The following COLGALT1 variants were observed in gnomAD, a reference collection of about 807,000 sequenced individuals.
COLGALT1 encodes the protein procollagen galactosyltransferase 1.
Under a neutral mutation model 60.8 loss-of-function variants are expected in COLGALT1, and 43 were observed. The ratio of observed to expected loss-of-function variants is 0.71; its 90% CI spans 0.55 to 0.91. The LOEUF (loss-of-function observed/expected upper bound fraction) is 0.91. Among genes scored for constraint, COLGALT1 ranks in the 40% least tolerant of loss-of-function variants. COLGALT1 has a pLI of 0.00. For synonymous variants in COLGALT1, 369 were observed against 374.2 expected (o/e 0.99, Z 0.16); for missense variants, 845 against 880.0 (o/e 0.96, Z 0.50).
intron 3 of COLGALT1, among the ~76,000 whole-genome samples, chr19:17,564,481 A>G (rs1270334115): frequency 7.4e-6 from 1 of 135,870 alleles, no homozygotes; most frequent in African/African-American, 2.8e-5. Context: ...CAGTGGCGCC[A>G]TCTCGGCTCA....
At chr19:17,577,654 T>G (rs1599794451) in intron 8 of COLGALT1, among the ~76,000 whole-genome samples, 187 bp downstream of exon 8, 1 of 152,060 alleles carries the variant, frequency 6.6e-6, no homozygotes, top group East Asian at 1.9e-4. Flanking sequence ...CTCACAGTTG[T>G]AGACCATGGA....
chr19:17,580,555 C>T, intron 10 of COLGALT1, 144 bp from the exon 11 acceptor site: 2 of 756,282 alleles, frequency 2.6e-6, no homozygotes, highest in Admixed American at 5.2e-5. Context: ...CTCCTGCATT[C>T]ACTCCATCCA....
In COLGALT1 at chr19:17,578,014, G is replaced by T; in HGVS notation, c.1191G>T (p.Arg397=). Residue 397 remains arginine, a synonymous_variant, in exon 9 of 12, where the codon CGG becomes CGT. Transcript: ENST00000252599. ...GGATCCAGATGCTGCCTGGCTACCG[G>T]GACCCCTACCACGGCCGGCCCCTCA... is the stretch of plus-strand genomic sequence containing the variant. The part of the protein sequence containing the change: ...ALGIQMLPGY[R]DPYHGRPLTK... 1 of 1,611,976 alleles carries T rather than the reference G, an allele frequency of 6.2e-7. No individual in the cohort carries two copies.
chr19:17,560,307 T>C, intron 2 of COLGALT1, 41 bp from the exon 3 acceptor site: 1 of 1,553,260 alleles, frequency 6.4e-7, no homozygotes, highest in Non-Finnish European at 8.9e-7. Flanking sequence ...TGGGCTTTGA[T>C]AGTGCCTTGT....
At chr19:17,570,916 T>C (rs2076308913) in intron 5 of COLGALT1, among the ~76,000 whole-genome samples, 1 of 152,066 alleles carries the variant, frequency 6.6e-6, no homozygotes, top group African/African-American at 2.4e-5. Flanking sequence ...AAGAAGAATA[T>C]TGTGACACAT....
At chr19:17,576,473 G>C (rs1039890406) in intron 6 of COLGALT1, among the ~76,000 whole-genome samples, 14 of 152,026 alleles carry the variant, frequency 9.2e-5, no homozygotes, top group Admixed American at 5.9e-4. Context: ...GTGGGGCTGG[G>C]GGGTAGAGTG....
chr19:17,557,252 CAGG>C (rs2076217939), intron 1 of COLGALT1, among the ~76,000 whole-genome samples: 3 of 150,392 alleles, frequency 2.0e-5, no homozygotes, highest in African/African-American at 7.5e-5. Context: ...GTGTGGCTCA[CAGG>C]AGAAGATGAA....
chr19:17,561,915 G>A (rs990978644), intron 3 of COLGALT1, among the ~76,000 whole-genome samples: 6 of 152,134 alleles, frequency 3.9e-5, no homozygotes, highest in Admixed American at 2.6e-4. Context: ...CTGTTGCCCA[G>A]GTTGGAGTGC....
chr19:17,558,522 G>A (rs62119891), intron 1 of COLGALT1, among the ~76,000 whole-genome samples: 131,769 of 150,044 alleles, frequency 0.88, 58,202 homozygotes, highest in Middle Eastern at 0.97. Flanking sequence ...TACTAAAAAT[G>A]CAAAAATTAG....
intron 5 of COLGALT1, among the ~76,000 whole-genome samples, chr19:17,569,667 C>T (rs1215297282): frequency 6.6e-6 from 1 of 152,056 alleles, no homozygotes; most frequent in Non-Finnish European, 1.5e-5. Context: ...AAACTCCTGA[C>T]CCCAGGTGAT....
In COLGALT1 at chr19:17,580,362, T is replaced by G. The variant is rs1395959956; in HGVS notation, c.1395-337T>G. On this transcript the variant is annotated intron_variant, in intron 10 of 11. Transcript: ENST00000252599. ...AATAGTAACTGCACCCCTCCATTCCTGACTGCCCCCCCATCAGGGCACCTC... is the reference window on the plus strand; with the variant it reads ...AATAGTAACTGCACCCCTCCATTCCGGACTGCCCCCCCATCAGGGCACCTC... 9.6e-6 allele frequency: 4 copies of G among 415,320 alleles called. No homozygotes were observed. The Admixed American group carries it at 1.5e-4, about 16-fold the overall frequency. The allele number at this position is 415,320 out of a possible 1,614,324, so 25.7% of individuals were successfully genotyped here. A position where few individuals can be genotyped will look rare whatever the true frequency, so the allele number is the denominator to read the frequency against.
At chr19:17,579,913 C>T (rs1166030049) in intron 10 of COLGALT1, 2 of 375,812 alleles carry the variant, frequency 5.3e-6, no homozygotes, top group Non-Finnish European at 1.0e-5. Flanking sequence ...AGCAGGAGGG[C>T]TCACGTGGTT....
rs566221755 is a variant in COLGALT1 at position 17,562,067 on chromosome 19, C to T, written c.489+1602C>T. Among the ~76,000 whole-genome samples, 339 of 152,180 alleles carry T rather than the reference C, an allele frequency of 2.2e-3. 1 individual carries two copies. The highest frequency in any genetic ancestry group is 7.4e-3 in the African/African-American group (309 of 41,516). On this transcript the variant is annotated intron_variant, in intron 3 of 11. Transcript: ENST00000252599. ...TGTAATTTTAGTAGAGACGGGGTTT[C>T]GCCATGTTGGCCAGGCTGGTCTCTA...
Position 17,578,061 on chromosome 19 carries a change from T to C in COLGALT1, c.1238T>C (p.Phe413Ser). The C allele has an allele frequency of 6.2e-7, 1 of 1,610,780 alleles. No homozygotes were observed. The highest frequency in any genetic ancestry group is 8.5e-7 in the Non-Finnish European group (1 of 1,178,622). ...CTCACCAAGGGTGAGCTGGGCTGCT[T>C]CCTGAGCCACTACAACATCTGGAAG... ...RPLTKGELGCFLSHYNIWKEV... is the reference protein window; with the variant it reads ...RPLTKGELGCSLSHYNIWKEV... The change falls in exon 9 of 12, where the codon TTC (phenylalanine) becomes TCC (serine). Residue 413 changes from phenylalanine to serine, a missense_variant. Physicochemically the swap from Phe to Ser is radical, Grantham distance 155. Transcript: ENST00000252599.
intron 3 of COLGALT1, among the ~76,000 whole-genome samples, chr19:17,563,610 A>G (rs1177914940): frequency 1.3e-5 from 2 of 152,016 alleles, no homozygotes. Context: ...TGGCCTCCCA[A>G]AGTGCTGGGA....
intron 3 of COLGALT1, among the ~76,000 whole-genome samples, chr19:17,561,794 C>T (rs1304150658): frequency 1.3e-5 from 2 of 152,160 alleles, no homozygotes; most frequent in Non-Finnish European, 2.9e-5. Flanking sequence ...AAATAATATA[C>T]ATTGAACCCA....
intron 6 of COLGALT1, among the ~76,000 whole-genome samples, chr19:17,575,479 T>C (rs533266382): frequency 6.6e-6 from 1 of 152,288 alleles, no homozygotes; most frequent in African/African-American, 2.4e-5. Flanking sequence ...TCTCCTGACC[T>C]TGTGAGCCAC....
In COLGALT1 at chr19:17,555,849, G is replaced by C; in HGVS notation, c.136G>C (p.Glu46Gln). 2 of 1,359,446 alleles carry C rather than the reference G, an allele frequency of 1.5e-6. No homozygotes were observed. Among genetic ancestry groups the C allele is most frequent in the South Asian group, 3.3e-5 (2 of 61,486 alleles). The allele number at this position is 1,359,446 out of a possible 1,614,324, so 84.2% of individuals were successfully genotyped here. ...AYFPEERWSP[E>Q]SPLQAPRVLI... is the part of the protein sequence containing the mutation. ...CTTCCCCGAGGAGCGCTGGAGCCCG[G>C]AGTCGCCCCTGCAGGCGCCGCGCGT... Residue 46 changes from glutamate (E) to glutamine (Q), a missense_variant, in exon 1 of 12, where the codon GAG (glutamate) becomes CAG (glutamine). Coordinates refer to ENST00000252599, the MANE Select transcript of COLGALT1 (RefSeq NM_024656.4).
At chr19:17,575,853 C>G (rs2076337704) in intron 6 of COLGALT1, among the ~76,000 whole-genome samples, 1 of 152,152 alleles carries the variant, frequency 6.6e-6, no homozygotes. Flanking sequence ...AGGGCCCACC[C>G]TAATGACCTC....
Sources: gnomAD v4.1 joint callset for allele counts (sites outside exome capture counted in the v4.1 genomes callset) on GRCh38, gnomAD v4.1.1 for gene constraint, MANE v1.5 for transcripts, NCBI Gene and HGNC (gene_info 2026-07-23, HGNC 2026-07-21) for gene names.